GPR173: variants seen among roughly 807,000 people sequenced by gnomAD.
The protein encoded by GPR173 is probable G protein-coupled receptor 173.
In GPR173, 2 loss-of-function variants were observed where a neutral mutation model predicts 13.9. The observed-to-expected ratio is 0.14, with a 90% CI of 0.06 to 0.45. The LOEUF (loss-of-function observed/expected upper bound fraction) is 0.45, where lower values mean the gene tolerates loss of function less well. Ranked by LOEUF, GPR173 falls within the 20% of genes least tolerant of loss-of-function variation. The pLI is 0.98. For synonymous variants in GPR173, 131 were observed against 141.0 expected (o/e 0.93, Z 0.50); for missense variants, 202 against 340.5 (o/e 0.59, Z 3.20).
At position 53,078,243 on chromosome X, in the gene GPR173, G is replaced by C. The variant is rs1242024448; in HGVS notation, c.*500G>C. On this transcript the variant is annotated 3_prime_UTR_variant, in exon 2 of 2. Coordinates refer to ENST00000332582, the MANE Select transcript of GPR173 (RefSeq NM_018969.6). ...GCACCCTCCCCTTCCAAGTCCTTTA[G>C]CAAGGCCTGGATGTTTAGGGAGAAA... The C allele has an allele frequency of 7.9e-6, 1 of 127,232 alleles. No individual in the cohort carries two copies. The highest frequency in any genetic ancestry group is 3.3e-5 in the African/African-American group (1 of 30,500). 10.5% of individuals were successfully genotyped at this position (127,232 alleles called of 1,213,427 possible). A position where few individuals can be genotyped will look rare whatever the true frequency, so the allele number is the denominator to read the frequency against.
intron 1 of GPR173, among the ~76,000 whole-genome samples, chrX:53,063,818 A>G (rs1349761987): frequency 1.3e-4 from 15 of 111,519 alleles, no homozygotes; most frequent in African/African-American, 4.9e-4. Context: ...CCAGTTTCCA[A>G]TACCTTATTT....
intron 1 of GPR173, among the ~76,000 whole-genome samples, chrX:53,052,602 CGTGTGTGT>C (rs781878545): frequency 1.3e-3 from 132 of 100,502 alleles, no homozygotes; most frequent in African/African-American, 4.8e-3. Context: ...CACACACACA[CGTGTGTGT>C]GTGTGTGTGT....
chrX:53,067,823 C>CAAAAAA, intron 1 of GPR173, among the ~76,000 whole-genome samples: 1 of 77,463 alleles, frequency 1.3e-5, no homozygotes, highest in Non-Finnish European at 2.4e-5. Flanking sequence ...GACTCCATCT[C>CAAAAAA]AAAAAAAAAA....
rs1160412334 is a variant in GPR173, at chrX:53,079,414, G to A, written c.*1671G>A. The A allele has an allele frequency of 8.7e-6, 1 of 115,484 alleles. No individual in the cohort carries two copies. The highest frequency in any genetic ancestry group is 3.5e-5 in the African/African-American group (1 of 28,335). The allele number at this position is 115,484 out of a possible 1,213,427, so 9.5% of individuals were successfully genotyped here. ...GCCTGTTCTCTCAGCGATAGTGATG[G>A]GGGTGCCTTTCCGAGGGGGTGGGGT... On this transcript the variant is annotated 3_prime_UTR_variant, in exon 2 of 2. Transcript: ENST00000332582.
At chrX:53,074,632 A>T (rs1213466936) in intron 1 of GPR173, among the ~76,000 whole-genome samples, 3 of 68,560 alleles carry the variant, frequency 4.4e-5, no homozygotes, top group Admixed American at 2.3e-4. Flanking sequence ...ATTTATATAT[A>T]TTTATTTATA....
rs144233158 is a variant in GPR173 at position 53,072,715 on chromosome X, G to C, written c.-97-3810G>C. On this transcript the variant is annotated intron_variant, in intron 1 of 1. Transcript: ENST00000332582. ...CCCTCTGCCTCCCCTCAAGGTAAAG[G>C]AGAGAGAAAGAGAAAGAGAGAGAGA... Among the ~76,000 whole-genome samples, 38 of 110,596 alleles carry C rather than the reference G, an allele frequency of 3.4e-4. No individual in the cohort carries two copies. In the East Asian group the frequency reaches 0.01, roughly 31 times the overall value.
intron 1 of GPR173, among the ~76,000 whole-genome samples, chrX:53,072,903 A>C (rs1463091291): frequency 1.8e-5 from 2 of 110,986 alleles, no homozygotes; most frequent in East Asian, 2.8e-4. Flanking sequence ...GCCTCCTGTC[A>C]TGGGCTCTGA....
chrX:53,051,394 G>C (rs2146670322), intron 1 of GPR173, among the ~76,000 whole-genome samples: 1 of 111,321 alleles, frequency 9.0e-6, no homozygotes, highest in African/African-American at 3.3e-5. Flanking sequence ...GACCTGGTCT[G>C]TGGTCTGGAG....
intron 1 of GPR173, among the ~76,000 whole-genome samples, chrX:53,059,473 A>T (rs1932090460): frequency 9.3e-6 from 1 of 107,672 alleles, no homozygotes; most frequent in South Asian, 4.3e-4. Flanking sequence ...TATAAGATTA[A>T]AGATCCATTA....
intron 1 of GPR173, among the ~76,000 whole-genome samples, chrX:53,074,889 G>T (rs1162663335): frequency 9.8e-6 from 1 of 102,407 alleles, no homozygotes; most frequent in Non-Finnish European, 2.0e-5. Context: ...CTGTCACCTG[G>T]ATTGCTGCAG....
intron 1 of GPR173, among the ~76,000 whole-genome samples, chrX:53,061,311 G>C (rs185662050): frequency 1.2e-3 from 137 of 111,578 alleles, no homozygotes; most frequent in Non-Finnish European, 2.4e-3. Flanking sequence ...TGGTGTGTGG[G>C]TATCTACATG....
intron 1 of GPR173, among the ~76,000 whole-genome samples, chrX:53,066,345 T>A (rs891457518): frequency 9.0e-6 from 1 of 111,631 alleles, no homozygotes; most frequent in Admixed American, 9.6e-5. Context: ...TCAGTAGTCT[T>A]CACGCTATTC....
intron 1 of GPR173, among the ~76,000 whole-genome samples, chrX:53,053,712 T>C (rs1330242009): frequency 1.8e-5 from 2 of 112,785 alleles, no homozygotes; most frequent in Non-Finnish European, 3.7e-5. Flanking sequence ...TATTTGTGTG[T>C]ATGACTGAGA....
chrX:53,075,275 G>A (rs782306403), intron 1 of GPR173, among the ~76,000 whole-genome samples: 1 of 106,950 alleles, frequency 9.4e-6, no homozygotes, highest in East Asian at 2.9e-4. Flanking sequence ...CCTTAGGTCT[G>A]TGCTCAGATG....
intron 1 of GPR173, among the ~76,000 whole-genome samples, chrX:53,076,044 C>T (rs1342638496): frequency 1.8e-5 from 2 of 111,017 alleles, no homozygotes; most frequent in Non-Finnish European, 3.8e-5. Flanking sequence ...ACATCCCTGC[C>T]CCACAGATCC....
At position 53,076,675 on chromosome X, in the gene GPR173, G is replaced by A. The variant is rs147811887; in HGVS notation, c.54G>A (p.Pro18=). The change falls in exon 2 of 2, where the codon CCG becomes CCA. Residue 18 remains proline (P), a synonymous_variant. Transcript: ENST00000332582. ...AGGTGAGCGGCGCTCTGTCCCCACC[G>A]TCCGCATCAGCTTATGTGAAGCTGG... is the stretch of plus-strand genomic sequence containing the variant. ...PEEVSGALSP[P]SASAYVKLVL... 13 of 1,203,585 alleles carry A rather than the reference G, an allele frequency of 1.1e-5. No homozygotes were observed. The highest frequency in any genetic ancestry group is 3.5e-5 in the African/African-American group (2 of 57,199).
At chrX:53,055,473 G>T (rs1231898759) in intron 1 of GPR173, among the ~76,000 whole-genome samples, 3 of 110,400 alleles carry the variant, frequency 2.7e-5, no homozygotes, top group African/African-American at 9.9e-5. Context: ...TGAGAGCTTT[G>T]GTTGTATCTG....
At chrX:53,070,641 C>T (rs781954110) in intron 1 of GPR173, among the ~76,000 whole-genome samples, 5 of 109,587 alleles carry the variant, frequency 4.6e-5, no homozygotes, top group South Asian at 3.9e-4. Context: ...CGTGCCACCA[C>T]GCCCAGCTAA....
chrX:53,071,401 G>A (rs928788662), intron 1 of GPR173, among the ~76,000 whole-genome samples: 19 of 112,261 alleles, frequency 1.7e-4, no homozygotes, highest in South Asian at 3.6e-4. Flanking sequence ...CAACTCTAAG[G>A]AAAGCTCATC....
Sources: gnomAD v4.1 joint callset for allele counts (sites outside exome capture counted in the v4.1 genomes callset) on GRCh38, gnomAD v4.1.1 for gene constraint, MANE v1.5 for transcripts, NCBI Gene and HGNC (gene_info 2026-07-23, HGNC 2026-07-21) for gene names.